XPO1: variants seen among roughly 807,000 people sequenced by gnomAD.
The protein encoded by XPO1 is exportin 1.
XPO1 carries 5 observed loss-of-function variants against 133.3 expected under a neutral mutation model. The ratio of observed to expected loss-of-function variants is 0.04; its 90% confidence interval spans 0.02 to 0.08. XPO1 has a LOEUF of 0.08. Ranked by LOEUF, XPO1 falls within the 10% of genes least tolerant of loss-of-function variation. The pLI is 1.00. For missense variants in XPO1, 506 were observed against 1,267.5 expected (o/e 0.40, Z 9.12); for synonymous variants, 419 against 408.2 (o/e 1.03, Z -0.32).
At chr2:61,503,202 C>T (rs1408745011) in intron 4 of XPO1, among the ~76,000 whole-genome samples, 2 of 152,164 alleles carry the variant, frequency 1.3e-5, no homozygotes, top group East Asian at 3.9e-4. Context: ...AGTGATCCGC[C>T]CTCCTCGGCC....
chr2:61,538,107 C>A lies in XPO1; in HGVS notation c.-552G>T. On this transcript the variant is annotated 5_prime_UTR_variant, in exon 1 of 25. Transcript: ENST00000401558. ...TCTTGTTCCTCAGCGACTGGTGGTT[C>A]CCCCCTCCCCCTCTGGGTGGTTGCA... 1 of 185,322 alleles carries A rather than the reference C, an allele frequency of 5.4e-6. No individual in the cohort carries two copies. The highest frequency in any genetic ancestry group is 1.9e-4 in the South Asian group (1 of 5,372). 11.5% of individuals were successfully genotyped at this position (185,322 alleles called of 1,614,324 possible). A position where few individuals can be genotyped will look rare whatever the true frequency, so the allele number is the denominator to read the frequency against.
intron 2 of XPO1, among the ~76,000 whole-genome samples, chr2:61,530,513 T>C: frequency 6.6e-6 from 1 of 152,268 alleles, no homozygotes; most frequent in South Asian, 2.1e-4. Context: ...CAGAACACAA[T>C]ATTGGAGAAA....
At chr2:61,533,664 C>G (rs1002302643) in intron 2 of XPO1, 108 bp downstream of exon 2, 1 of 1,241,520 alleles carries the variant, frequency 8.1e-7, no homozygotes, top group African/African-American at 1.6e-5. Context: ...CAAATTAATG[C>G]AAACTATGGA....
In XPO1 at chr2:61,493,915, T is replaced by C. The variant is rs1697117385; in HGVS notation, c.1224A>G (p.Leu408=). 1 of 1,614,126 alleles carries C rather than the reference T, an allele frequency of 6.2e-7. No homozygotes were observed. The highest frequency in any genetic ancestry group is 8.5e-7 in the Non-Finnish European group (1 of 1,179,984). ...QHFDVPPRRQ[L]YLPMLFKVRL... is the part of the protein sequence containing the mutation. ...TTACCTTGAATAACATGGGCAAATA[T>C]AGCTGTCTCCTGGGAGGAACATCAA... is the stretch of plus-strand genomic sequence containing the variant. The change falls in exon 12 of 25, where the codon CTA becomes CTG. Residue 408 remains leucine, a synonymous_variant. Transcript: ENST00000401558.
At chr2:61,522,537 C>T in intron 4 of XPO1, 74 bp downstream of exon 4, 1 of 1,255,424 alleles carries the variant, frequency 8.0e-7, no homozygotes, top group South Asian at 1.2e-5. Context: ...ATTACATGCC[C>T]CCTCAAACAG....
At chr2:61,526,552 A>G in intron 2 of XPO1, 31 bp from the exon 3 acceptor site, 2 of 1,509,530 alleles carry the variant, frequency 1.3e-6, no homozygotes. Context: ...ACAAAACTTA[A>G]GCTAATGTAT....
rs979166801 is a variant in XPO1 at position 61,537,850 on chromosome 2, G to A, written c.-295C>T. The stretch of plus-strand genomic sequence containing the variant: ...GCTCCCGCCCGGCTGGGGAGTGAGG[G>A]AAGGGGGAGGGAACGGGGTCAAGTC... On this transcript the variant is annotated 5_prime_UTR_variant, in exon 1 of 25. Transcript: ENST00000401558. The A allele has an allele frequency of 1.9e-5, 3 of 157,450 alleles. No individual in the cohort carries two copies. The highest frequency in any genetic ancestry group is 4.2e-5 in the Non-Finnish European group (3 of 71,984). 9.8% of individuals were successfully genotyped at this position (157,450 alleles called of 1,614,324 possible).
intron 4 of XPO1, among the ~76,000 whole-genome samples, chr2:61,504,265 A>G (rs143354032): frequency 8.1e-4 from 124 of 152,286 alleles, no homozygotes; most frequent in Non-Finnish European, 1.5e-3. Flanking sequence ...CCTTGATTTT[A>G]ATTTGCATCA....
At chr2:61,502,798 G>A (rs1224485402) in intron 4 of XPO1, among the ~76,000 whole-genome samples, 1 of 151,834 alleles carries the variant, frequency 6.6e-6, no homozygotes, top group Non-Finnish European at 1.5e-5. Flanking sequence ...TTAAAGATGG[G>A]ATCTGGCATT....
intron 19 of XPO1, among the ~76,000 whole-genome samples, chr2:61,487,542 AC>A (rs1427727890): frequency 6.6e-6 from 1 of 151,964 alleles, no homozygotes; most frequent in African/African-American, 2.4e-5. Flanking sequence ...AAAAAAAAAA[AC>A]CAAAAAACAA....
intron 24 of XPO1, among the ~76,000 whole-genome samples, 158 bp downstream of exon 24, chr2:61,481,027 C>A (rs532024757): frequency 6.6e-5 from 10 of 152,218 alleles, no homozygotes; most frequent in African/African-American, 2.4e-4. Context: ...CACTGTATTA[C>A]CAGTCTCAGG....
Position 61,482,597 on chromosome 2 carries a change from GTTTT to G in XPO1, c.2813-62_2813-59del, listed in dbSNP as rs559624707. The G allele has an allele frequency of 2.5e-3, 3,033 of 1,195,100 alleles. 50 individuals are homozygous for G. The African/African-American group carries it at 0.049, about 19-fold the overall frequency. 74.0% of individuals were successfully genotyped at this position (1,195,100 alleles called of 1,614,324 possible). On this transcript the variant is annotated intron_variant, in intron 22 of 24. Transcript: ENST00000401558. Reference sequence around the variant, plus strand: ...ATGTAATATAACTATAGATCTTAGCGTTTTTTTTTGTTTTGTTTTTTTTTTTTAG... The same window carrying G: ...ATGTAATATAACTATAGATCTTAGCGTTTTTGTTTTGTTTTTTTTTTTTAG...
In XPO1 at chr2:61,526,408, C is replaced by A; in HGVS notation, c.228+12G>T. 6.2e-7 allele frequency: 1 copy of A among 1,601,470 alleles called. No individual in the cohort carries two copies. The highest frequency in any genetic ancestry group is 8.5e-7 in the Non-Finnish European group (1 of 1,176,680). On this transcript the variant is annotated intron_variant, in intron 3 of 24. Coordinates refer to ENST00000401558, the MANE Select transcript of XPO1 (RefSeq NM_003400.4). The stretch of plus-strand genomic sequence containing the variant: ...AAAGAAATAACAGATTTTAAAACCA[C>A]CACTTGCTTACTTTCGTATTCATAT...
intron 16 of XPO1, among the ~76,000 whole-genome samples, chr2:61,491,304 T>C (rs963079905): frequency 6.6e-6 from 1 of 150,878 alleles, no homozygotes; most frequent in African/African-American, 2.4e-5. Flanking sequence ...CTACTAAAAA[T>C]AAAAAAATTA....
In XPO1 at chr2:61,492,410, G is replaced by A. The variant is rs1697042772; in HGVS notation, c.1638C>T (p.Tyr546=). ...NKAIIASNIM[Y]IVGQYPRFLR... ...AAAAACGTGGGTATTGACCTACTATGTACATGATATTTGATGCAATAATAG... is the reference window on the plus strand; with the variant it reads ...AAAAACGTGGGTATTGACCTACTATATACATGATATTTGATGCAATAATAG... Residue 546 remains tyrosine (Y), a synonymous_variant, in exon 15 of 25, where the codon TAC becomes TAT. Coordinates refer to ENST00000401558, the MANE Select transcript of XPO1 (RefSeq NM_003400.4). This position sits in a 1 kb window ranked among gnomAD's most constrained non-coding sequence, Gnocchi z 5.6. 6.2e-7 allele frequency: 1 copy of A among 1,609,998 alleles called. No individual in the cohort carries two copies. The highest frequency in any genetic ancestry group is 8.5e-7 in the Non-Finnish European group (1 of 1,179,040).
intron 2 of XPO1, among the ~76,000 whole-genome samples, chr2:61,529,896 G>T (rs1181759627): frequency 6.6e-6 from 1 of 152,144 alleles, no homozygotes; most frequent in Non-Finnish European, 1.5e-5. Context: ...TGCTTCCATT[G>T]TGAGTCTGTG....
chr2:61,481,072 C>T, intron 24 of XPO1, 113 bp downstream of exon 24: 2 of 636,188 alleles, frequency 3.1e-6, no homozygotes, highest in Non-Finnish European at 5.2e-6. Context: ...AACGTATTAT[C>T]TTGAAACCCC....
chr2:61,499,394 T>C (rs893959243), intron 7 of XPO1, among the ~76,000 whole-genome samples: 4 of 152,114 alleles, frequency 2.6e-5, no homozygotes, highest in African/African-American at 9.7e-5. Context: ...CCCCAGGCAA[T>C]AGAGCAAGAC....
At chr2:61,516,131 T>TAAAAAAA (rs111496457) in intron 4 of XPO1, among the ~76,000 whole-genome samples, 1 of 108,020 alleles carries the variant, frequency 9.3e-6, no homozygotes, top group African/African-American at 3.5e-5. Flanking sequence ...GTCGCAAAAT[T>TAAAAAAA]AAAAAAAAAC....
Sources: gnomAD v4.1 joint callset for allele counts (sites outside exome capture counted in the v4.1 genomes callset) on GRCh38, gnomAD v4.1.1 for gene constraint, Gnocchi (gnomAD v3.1) non-coding constraint, MANE v1.5 for transcripts, NCBI Gene and HGNC (gene_info 2026-07-23, HGNC 2026-07-21) for gene names.